The following ADAMTS20 variants were observed in gnomAD, a reference collection of about 807,000 sequenced individuals.
ADAMTS20 encodes ADAM metallopeptidase with thrombospondin type 1 motif 20, also known as A disintegrin and metalloproteinase with thrombospondin motifs 20.
ADAMTS20 carries 225 observed loss-of-function variants against 260.1 expected under a neutral mutation model. The observed-to-expected ratio is 0.87, with a 90% CI of 0.78 to 0.97. ADAMTS20 has a LOEUF of 0.97. ADAMTS20 is among the 50% of genes least tolerant of loss of function. The pLI is 0.00. For synonymous variants in ADAMTS20, 802 were observed against 769.5 expected, an observed-to-expected ratio of 1.04 and a Z score of -0.70; for missense variants, 2,400 against 2,337.7, an observed-to-expected ratio of 1.03 and a Z score of -0.55.
intron 2 of ADAMTS20, 124 bp downstream of exon 2, chr12:43,550,785 T>C (rs1943500552): frequency 2.9e-6 from 4 of 1,381,780 alleles, no homozygotes; most frequent in Admixed American, 2.9e-5. Context: ...GTGTTAATCC[T>C]TCTTGTAGCC....
intron 29 of ADAMTS20, among the ~76,000 whole-genome samples, chr12:43,386,128 A>G (rs564986556): frequency 6.6e-6 from 1 of 152,078 alleles, no homozygotes; most frequent in East Asian, 1.9e-4. Flanking sequence ...TGATTTTTTG[A>G]AGGGTTTTTC....
At chr12:43,388,551 C>G (rs1329712861) in intron 29 of ADAMTS20, among the ~76,000 whole-genome samples, 1 of 152,182 alleles carries the variant, frequency 6.6e-6, no homozygotes, top group East Asian at 1.9e-4. Flanking sequence ...AAACTGTAAA[C>G]TTAGACAACT....
At chr12:43,447,393 A>C (rs1269082394) in intron 14 of ADAMTS20, among the ~76,000 whole-genome samples, 2 of 152,160 alleles carry the variant, frequency 1.3e-5, no homozygotes, top group African/African-American at 2.4e-5. Context: ...TACAAAAATC[A>C]CATGATTATC....
chr12:43,413,679 C>T (rs772591929), intron 28 of ADAMTS20, among the ~76,000 whole-genome samples: 2 of 152,028 alleles, frequency 1.3e-5, no homozygotes, highest in Non-Finnish European at 2.9e-5. Context: ...TTTTTTCCTG[C>T]AAATTTAATT....
chr12:43,496,425 T>G (rs1054564749), intron 4 of ADAMTS20, among the ~76,000 whole-genome samples: 1 of 152,224 alleles, frequency 6.6e-6, no homozygotes, highest in African/African-American at 2.4e-5. Context: ...TTCAGCATTC[T>G]GAACCAATTA....
intron 16 of ADAMTS20, among the ~76,000 whole-genome samples, chr12:43,442,448 G>T (rs371946208): frequency 6.6e-6 from 1 of 151,740 alleles, no homozygotes; most frequent in African/African-American, 2.4e-5. Flanking sequence ...AGTAGACACG[G>T]GGTTTTGCCA....
chr12:43,383,464 T>A (rs1320074038), intron 31 of ADAMTS20, 94 bp downstream of exon 31: 1 of 1,295,936 alleles, frequency 7.7e-7, no homozygotes, highest in Non-Finnish European at 1.0e-6. Context: ...TGCCCTCATA[T>A]TCAAATTTTA....
intron 7 of ADAMTS20, among the ~76,000 whole-genome samples, chr12:43,484,751 G>A (rs1942496256): frequency 6.6e-6 from 1 of 152,078 alleles, no homozygotes; most frequent in African/African-American, 2.4e-5. Flanking sequence ...AAATCAAAAA[G>A]TTTGTAAAAT....
At chr12:43,404,476 T>G (rs562905151) in intron 28 of ADAMTS20, among the ~76,000 whole-genome samples, 15 of 152,264 alleles carry the variant, frequency 9.9e-5, no homozygotes, top group Middle Eastern at 3.4e-3. Context: ...ATCCCTCAGC[T>G]GGCTATTTGA....
rs71091149 is a variant in ADAMTS20 at position 43,373,670 on chromosome 12, CTTTTTTT to C, written c.5446+1702_5446+1708del. 5.8e-4 allele frequency among the ~76,000 whole-genome samples: 41 copies of C among 71,298 alleles called. 1 individual carries two copies. The highest frequency in any genetic ancestry group is 1.5e-3 in the South Asian group (2 of 1,334). 46.8% of individuals were successfully genotyped at this position (71,298 alleles called of 152,430 possible). A position where few individuals can be genotyped will look rare whatever the true frequency, so the allele number is the denominator to read the frequency against. On this transcript the variant is annotated intron_variant, in intron 36 of 38. Transcript: ENST00000389420. ...ACTAGATATGTTAGAAATATCATCT[CTTTTTTT>C]TTTTTTTTTTTTTTTTTTTTGAGAC...
chr12:43,469,698 A>T (rs995135037), intron 7 of ADAMTS20, among the ~76,000 whole-genome samples: 1 of 152,184 alleles, frequency 6.6e-6, no homozygotes, highest in African/African-American at 2.4e-5. Context: ...ATATAGAATA[A>T]ACAGACTTCA....
rs145197081 is a variant in ADAMTS20, at chr12:43,397,932, C to G, written c.4452+1134G>C. 8.2e-4 allele frequency among the ~76,000 whole-genome samples: 125 copies of G among 152,278 alleles called. 1 individual carries two copies. The highest frequency in any genetic ancestry group is 3.4e-3 in the Middle Eastern group (1 of 294). ...TCAGTGAGGCACTGACATAATTCCA[C>G]TCCAAAGCTGTGTGCCCTGCATTGA... On this transcript the variant is annotated intron_variant, in intron 29 of 38. Coordinates refer to ENST00000389420, the MANE Select transcript of ADAMTS20 (RefSeq NM_025003.5).
At chr12:43,402,367 G>T (rs1483133977) in intron 28 of ADAMTS20, among the ~76,000 whole-genome samples, 1 of 151,714 alleles carries the variant, frequency 6.6e-6, no homozygotes, top group Non-Finnish European at 1.5e-5. Flanking sequence ...CAAAATCAAA[G>T]AATTATAAAA....
chr12:43,431,018 AC>A (rs1167068943), intron 22 of ADAMTS20, among the ~76,000 whole-genome samples: 1 of 152,264 alleles, frequency 6.6e-6, no homozygotes, highest in Non-Finnish European at 1.5e-5. Flanking sequence ...TATCCTAAAA[AC>A]AATAAAGATA....
chr12:43,548,636 T>G (rs1943472201), intron 2 of ADAMTS20, among the ~76,000 whole-genome samples: 1 of 152,150 alleles, frequency 6.6e-6, no homozygotes, highest in South Asian at 2.1e-4. Flanking sequence ...GTTTTAGTGC[T>G]AATATAAAAA....
Position 43,551,589 on chromosome 12 carries a change from G to T in ADAMTS20, c.91+242C>A, listed in dbSNP as rs1304355786. Among the ~76,000 whole-genome samples, 1 of 152,120 alleles carries T rather than the reference G, an allele frequency of 6.6e-6. No individual in the cohort carries two copies. The highest frequency in any genetic ancestry group is 1.5e-5 in the Non-Finnish European group (1 of 68,030). ...CAACTCGTTCCCTCCGGGTGCAAGC[G>T]ACCCCCTGCCCCTTGCGCCCCCGCC... On this transcript the variant is annotated intron_variant, in intron 1 of 38. Transcript: ENST00000389420. This position sits in a 1 kb window ranked among gnomAD's most constrained non-coding sequence, Gnocchi z 4.6.
chr12:43,356,418 A>T (rs1301301376), intron 38 of ADAMTS20, 66 bp downstream of exon 38: 2 of 1,016,628 alleles, frequency 2.0e-6, no homozygotes, highest in East Asian at 2.6e-5. Flanking sequence ...TTAGGTAGAG[A>T]ACCTTTAATG....
At chr12:43,393,950 A>C (rs1940648123) in intron 29 of ADAMTS20, among the ~76,000 whole-genome samples, 1 of 152,088 alleles carries the variant, frequency 6.6e-6, no homozygotes, top group African/African-American at 2.4e-5. Context: ...ATATTCTCTT[A>C]TATTGAACTA....
chr12:43,445,426 AT>A (rs1443526568), intron 15 of ADAMTS20, among the ~76,000 whole-genome samples: 2 of 152,216 alleles, frequency 1.3e-5, no homozygotes, highest in Admixed American at 6.5e-5. Flanking sequence ...ATATCAGAGT[AT>A]AAAATGTACT....
Sources: gnomAD v4.1 joint callset for allele counts (sites outside exome capture counted in the v4.1 genomes callset) on GRCh38, gnomAD v4.1.1 for gene constraint, Gnocchi (gnomAD v3.1) non-coding constraint, MANE v1.5 for transcripts, NCBI Gene and HGNC (gene_info 2026-07-23, HGNC 2026-07-21) for gene names.